The following ST8SIA1 variants were observed in gnomAD, a reference collection of about 807,000 sequenced individuals.
ST8SIA1 encodes the protein ST8 alpha-N-acetyl-neuraminide alpha-2,8-sialyltransferase 1.
In ST8SIA1, 16 loss-of-function variants were observed where a neutral mutation model predicts 35.9. That is an observed-to-expected ratio of 0.45 (90% confidence interval 0.30 to 0.68). ST8SIA1 has a LOEUF of 0.68. ST8SIA1 is among the 30% of genes least tolerant of loss of function. The pLI is 0.09. For missense variants in ST8SIA1, 383 were observed against 453.6 expected, an observed-to-expected ratio of 0.84 and a Z score of 1.41; for synonymous variants, 170 against 169.6, an observed-to-expected ratio of 1.00 and a Z score of -0.02.
chr12:22,297,609 G>T (rs1219594615), intron 1 of ST8SIA1, among the ~76,000 whole-genome samples: 1 of 151,842 alleles, frequency 6.6e-6, no homozygotes, highest in Non-Finnish European at 1.5e-5. Context: ...AAAACATATG[G>T]GTCTCTCTTT....
At chr12:22,292,022 T>A (rs1418721708) in intron 1 of ST8SIA1, among the ~76,000 whole-genome samples, 2 of 152,174 alleles carry the variant, frequency 1.3e-5, no homozygotes, top group Non-Finnish European at 2.9e-5. Flanking sequence ...CTTCATAGAA[T>A]TATTTTACAT....
At chr12:22,256,405 A>G (rs1271309301) in intron 2 of ST8SIA1, among the ~76,000 whole-genome samples, 2 of 152,212 alleles carry the variant, frequency 1.3e-5, no homozygotes, top group Admixed American at 1.3e-4. Context: ...GGTCAGCAAG[A>G]ACTGCCAGGT....
At chr12:22,257,378 A>ATTTTTTTTTTTTTTTT in intron 2 of ST8SIA1, among the ~76,000 whole-genome samples, 1 of 118,604 alleles carries the variant, frequency 8.4e-6, no homozygotes, top group Non-Finnish European at 1.7e-5. Flanking sequence ...TGCCCAGCTA[A>ATTTTTTTTTTTTTTTT]TTTTTTTTTT....
chr12:22,293,669 T>C (rs534777118), intron 1 of ST8SIA1, among the ~76,000 whole-genome samples: 1 of 152,352 alleles, frequency 6.6e-6, no homozygotes, highest in South Asian at 2.1e-4. Flanking sequence ...CCTCAGTAAG[T>C]AATTTCATTC....
At chr12:22,222,999 C>A (rs965434226) in intron 4 of ST8SIA1, among the ~76,000 whole-genome samples, 1 of 152,056 alleles carries the variant, frequency 6.6e-6, no homozygotes. Flanking sequence ...CCTAAAACAG[C>A]GAAAGAAACA....
chr12:22,204,033 T>C (rs1383704550), intron 4 of ST8SIA1, among the ~76,000 whole-genome samples: 1 of 152,166 alleles, frequency 6.6e-6, no homozygotes, highest in African/African-American at 2.4e-5. Flanking sequence ...GCTTTCTGCA[T>C]CCATCTCTCA....
intron 2 of ST8SIA1, among the ~76,000 whole-genome samples, chr12:22,259,290 G>T (rs12310517): frequency 0.27 from 40,296 of 151,638 alleles, 5,540 homozygotes; most frequent in Middle Eastern, 0.36. Context: ...AAGTCCAGGG[G>T]TTTTTTTAAA....
intron 2 of ST8SIA1, among the ~76,000 whole-genome samples, chr12:22,277,097 T>C (rs1454473386): frequency 6.6e-6 from 1 of 152,148 alleles, no homozygotes; most frequent in African/African-American, 2.4e-5. Flanking sequence ...CCAGTGTAGT[T>C]TCAGGTTCCC....
intron 4 of ST8SIA1, among the ~76,000 whole-genome samples, chr12:22,238,525 T>A (rs73267999): frequency 2.2e-4 from 33 of 152,188 alleles, no homozygotes; most frequent in African/African-American, 7.0e-4. Context: ...TGAGAGATCA[T>A]GAGACAGATC....
intron 4 of ST8SIA1, among the ~76,000 whole-genome samples, chr12:22,235,786 C>T (rs1865470504): frequency 6.6e-6 from 1 of 152,094 alleles, no homozygotes; most frequent in Admixed American, 6.6e-5. Context: ...TGCATCTGAA[C>T]ATCCCTAGGA....
intron 2 of ST8SIA1, among the ~76,000 whole-genome samples, chr12:22,266,848 TACACACACACAC>T (rs145606826): frequency 2.5e-4 from 36 of 144,946 alleles, no homozygotes; most frequent in Admixed American, 9.7e-4. Flanking sequence ...CACAAAAGTA[TACACACACACAC>T]ACACACACAC....
intron 2 of ST8SIA1, among the ~76,000 whole-genome samples, chr12:22,281,261 T>C (rs1473286440): frequency 6.6e-6 from 1 of 152,198 alleles, no homozygotes; most frequent in East Asian, 1.9e-4. Flanking sequence ...GATACTGAAA[T>C]ATAAAGACCA....
intron 1 of ST8SIA1, chr12:22,326,179 A>T (rs941980122): frequency 2.9e-6 from 1 of 340,190 alleles, no homozygotes; most frequent in Non-Finnish European, 5.3e-6. Flanking sequence ...ATCAGGGACC[A>T]CGTTCTTGTA....
intron 4 of ST8SIA1, 100 bp from the exon 5 acceptor site, chr12:22,202,138 T>C: frequency 9.6e-7 from 1 of 1,046,444 alleles, no homozygotes; most frequent in Non-Finnish European, 1.4e-6. Context: ...CCTCAAATCA[T>C]CTCAATGAAA....
chr12:22,297,746 A>G (rs1298996819), intron 1 of ST8SIA1, among the ~76,000 whole-genome samples: 1 of 152,152 alleles, frequency 6.6e-6, no homozygotes, highest in Non-Finnish European at 1.5e-5. Flanking sequence ...TTGTGAAATT[A>G]TGAAATATAA....
At chr12:22,206,759 A>G (rs890592798) in intron 4 of ST8SIA1, among the ~76,000 whole-genome samples, 6 of 152,292 alleles carry the variant, frequency 3.9e-5, no homozygotes, top group Admixed American at 2.6e-4. Flanking sequence ...ACAAGAACAC[A>G]CAGCCAAGCT....
rs1445142046 is a variant in ST8SIA1, at chr12:22,200,751, G to A, written c.*801C>T. ...AATTCACTCATATTGGTAGTCTTTT[G>A]CACTAAAATAAAAATGACAATGCAA... On this transcript the variant is annotated 3_prime_UTR_variant, in exon 5 of 5. Transcript: ENST00000396037. 6.6e-6 allele frequency: 1 copy of A among 152,092 alleles called. No individual in the cohort carries two copies. Among genetic ancestry groups the A allele is most frequent in the South Asian group, 2.1e-4 (1 of 4,824 alleles). 9.4% of individuals were successfully genotyped at this position (152,092 alleles called of 1,614,324 possible). A position where few individuals can be genotyped will look rare whatever the true frequency, so the allele number is the denominator to read the frequency against.
chr12:22,302,871 G>A (rs1045949163), intron 1 of ST8SIA1, among the ~76,000 whole-genome samples: 2 of 152,068 alleles, frequency 1.3e-5, no homozygotes, highest in Non-Finnish European at 2.9e-5. Flanking sequence ...TCACCTACCT[G>A]TGACCTGAAG....
chr12:22,327,233 T>C (rs1284313765), intron 1 of ST8SIA1, among the ~76,000 whole-genome samples: 1 of 152,190 alleles, frequency 6.6e-6, no homozygotes, highest in Non-Finnish European at 1.5e-5. Flanking sequence ...CAAATCTGCA[T>C]AACAATCTGG....
Sources: allele counts gnomAD v4.1 joint callset (sites outside exome capture counted in the v4.1 genomes callset), GRCh38; gene constraint gnomAD v4.1.1; transcripts MANE v1.5; gene names NCBI Gene and HGNC (gene_info 2026-07-23, HGNC 2026-07-21).